Variants in CTIF observed in about 807,000 individuals in gnomAD.
CTIF encodes CBP80/20-dependent translation initiation factor.
In CTIF, 21 loss-of-function variants were observed where a neutral mutation model predicts 66.0. The ratio of observed to expected loss-of-function variants is 0.32; its 90% CI spans 0.23 to 0.46. CTIF has a LOEUF of 0.46. Ranked by LOEUF, CTIF falls within the 20% of genes least tolerant of loss-of-function variation. CTIF has a pLI of 1.00. For synonymous variants in CTIF, 345 were observed against 326.4 expected (o/e 1.06, Z -0.62); for missense variants, 739 against 812.7 (o/e 0.91, Z 1.10).
chr18:48,807,307 T>A (rs2068167429), intron 9 of CTIF, among the ~76,000 whole-genome samples: 1 of 152,214 alleles, frequency 6.6e-6, no homozygotes, highest in Non-Finnish European at 1.5e-5. Flanking sequence ...TGCCAGTTTC[T>A]TTTAAAATAG....
intron 9 of CTIF, among the ~76,000 whole-genome samples, chr18:48,762,941 G>A (rs1909153716): frequency 6.6e-6 from 1 of 152,320 alleles, no homozygotes; most frequent in South Asian, 2.1e-4. Context: ...GCCCTCCCTG[G>A]CCAGCCTGGG....
chr18:48,603,067 G>GTGGATGGA (rs373350836), intron 1 of CTIF, among the ~76,000 whole-genome samples: 1 of 148,144 alleles, frequency 6.8e-6, no homozygotes, highest in Non-Finnish European at 1.5e-5. Context: ...ATAAGAATGG[G>GTGGATGGA]TGGATGGATG....
intron 1 of CTIF, among the ~76,000 whole-genome samples, chr18:48,571,878 T>A (rs1167165698): frequency 6.6e-6 from 1 of 152,172 alleles, no homozygotes; most frequent in Non-Finnish European, 1.5e-5. Context: ...TTGGCTCATG[T>A]GATTGTGAGA....
intron 7 of CTIF, among the ~76,000 whole-genome samples, chr18:48,734,792 G>A (rs909461071): frequency 6.6e-6 from 1 of 152,162 alleles, no homozygotes; most frequent in African/African-American, 2.4e-5. Context: ...GGAGGTTTTG[G>A]TCAGGAAGGG....
chr18:48,845,040 A>G (rs1285241445), intron 10 of CTIF, among the ~76,000 whole-genome samples: 2 of 151,012 alleles, frequency 1.3e-5, no homozygotes, highest in East Asian at 2.0e-4. Context: ...AGACCATTCT[A>G]GGTGACCCTG....
At chr18:48,698,054 C>G (rs569849608) in intron 6 of CTIF, among the ~76,000 whole-genome samples, 1 of 133,138 alleles carries the variant, frequency 7.5e-6, no homozygotes, top group African/African-American at 2.8e-5. Flanking sequence ...CAGGGCAACT[C>G]TCTACTCCTC....
At chr18:48,581,238 G>T (rs901543063) in intron 1 of CTIF, among the ~76,000 whole-genome samples, 3 of 148,724 alleles carry the variant, frequency 2.0e-5, no homozygotes, top group South Asian at 2.1e-4. Flanking sequence ...GGTTTTTTTT[G>T]TTGTTGTTGT....
At chr18:48,664,590 G>T (rs1363235728) in intron 5 of CTIF, 39 bp downstream of exon 5, 2 of 1,575,228 alleles carry the variant, frequency 1.3e-6, no homozygotes, top group Admixed American at 3.3e-5. Flanking sequence ...GTGGGGTGGG[G>T]CAGGGGACGG....
In CTIF at chr18:48,857,623, C is replaced by G. The variant is rs2069360308; in HGVS notation, c.1563C>G (p.Val521=). 1 of 1,609,052 alleles carries G rather than the reference C, an allele frequency of 6.2e-7. No individual in the cohort carries two copies. Residue 521 remains valine (V), a synonymous_variant, in exon 11 of 12, where the codon GTC becomes GTG. Transcript: ENST00000256413. ...CTCAGGATGTGAAGGAAGATGCTGT[C>G]CTTTGCTGCTCTATGGAGGTAAGCT... ...LQSQDVKEDA[V]LCCSMELQST... is the part of the protein sequence containing the mutation.
chr18:48,619,804 C>T (rs2090461292), intron 2 of CTIF, 59 bp downstream of exon 2: 2 of 1,412,604 alleles, frequency 1.4e-6, no homozygotes, highest in Admixed American at 2.6e-5. Flanking sequence ...GATGCAGGAG[C>T]CCCTAATTCT....
intron 7 of CTIF, among the ~76,000 whole-genome samples, chr18:48,724,813 A>G (rs1041607097): frequency 6.6e-6 from 1 of 152,210 alleles, no homozygotes; most frequent in Non-Finnish European, 1.5e-5. Flanking sequence ...TCACCTCAGC[A>G]GGTGGATAGA....
intron 5 of CTIF, among the ~76,000 whole-genome samples, chr18:48,667,230 G>C (rs1250078827): frequency 6.6e-6 from 1 of 152,048 alleles, no homozygotes; most frequent in Non-Finnish European, 1.5e-5. Flanking sequence ...ACTATGCGGT[G>C]TAGACATACA....
chr18:48,824,408 G>T (rs1427147608), intron 10 of CTIF, among the ~76,000 whole-genome samples: 1 of 152,064 alleles, frequency 6.6e-6, no homozygotes, highest in Non-Finnish European at 1.5e-5. Context: ...TGGTATCTCT[G>T]AGCCAACATG....
chr18:48,792,619 G>A (rs2067818501), intron 9 of CTIF, among the ~76,000 whole-genome samples: 1 of 152,188 alleles, frequency 6.6e-6, no homozygotes, highest in Non-Finnish European at 1.5e-5. Context: ...TGGTGGTGAA[G>A]TGATTAGGGT....
At chr18:48,762,772 A>G (rs1388454199) in intron 9 of CTIF, among the ~76,000 whole-genome samples, 3 of 152,258 alleles carry the variant, frequency 2.0e-5, no homozygotes, top group Non-Finnish European at 4.4e-5. Flanking sequence ...AAACAAGGGC[A>G]TATGGCCACC....
chr18:48,728,465 A>G (rs796990832), intron 7 of CTIF, among the ~76,000 whole-genome samples: 5 of 152,324 alleles, frequency 3.3e-5, no homozygotes, highest in African/African-American at 1.2e-4. Context: ...CACACAGTTT[A>G]TGACGGTCAA....
At chr18:48,579,594 A>C (rs1354950802) in intron 1 of CTIF, among the ~76,000 whole-genome samples, 1 of 152,018 alleles carries the variant, frequency 6.6e-6, no homozygotes, top group Non-Finnish European at 1.5e-5. Context: ...CCCCAAGCCC[A>C]CACACACACA....
chr18:48,647,193 A>G (rs2091056599), intron 3 of CTIF, among the ~76,000 whole-genome samples: 1 of 152,244 alleles, frequency 6.6e-6, no homozygotes, highest in African/African-American at 2.4e-5. Flanking sequence ...TCAAAAAGCC[A>G]GTCCTCCAAA....
intron 1 of CTIF, among the ~76,000 whole-genome samples, chr18:48,557,211 A>G (rs2089042793): frequency 1.3e-5 from 2 of 152,118 alleles, no homozygotes; most frequent in Non-Finnish European, 2.9e-5. Context: ...CAGTACCTTG[A>G]AGGCCCCCTG....
Sources: gnomAD v4.1 joint callset for allele counts (sites outside exome capture counted in the v4.1 genomes callset) on GRCh38, gnomAD v4.1.1 for gene constraint, MANE v1.5 for transcripts, NCBI Gene and HGNC (gene_info 2026-07-23, HGNC 2026-07-21) for gene names.